Variants in CSNK1G2 observed in about 807,000 individuals in gnomAD.
The protein encoded by CSNK1G2 is casein kinase 1 gamma 2.
Under a neutral mutation model 48.0 loss-of-function variants are expected in CSNK1G2, and 11 were observed. The observed-to-expected ratio is 0.23, with a 90% CI of 0.14 to 0.38. CSNK1G2 has a LOEUF of 0.38. Among genes scored for constraint, CSNK1G2 ranks in the 10% least tolerant of loss-of-function variants. CSNK1G2 has a pLI of 1.00. For synonymous variants in CSNK1G2, 337 were observed against 254.1 expected, an observed-to-expected ratio of 1.33 and a Z score of -3.10; for missense variants, 446 against 595.5, an observed-to-expected ratio of 0.75 and a Z score of 2.61.
rs920371297 is a variant in CSNK1G2, at chr19:1,980,717, T to C, written c.*514T>C. 6.2e-6 allele frequency: 1 copy of C among 162,394 alleles called. No homozygotes were observed. Among genetic ancestry groups the C allele is most frequent in the Non-Finnish European group, 1.3e-5 (1 of 74,300 alleles). The allele number at this position is 162,394 out of a possible 1,614,324, so 10.1% of individuals were successfully genotyped here. On this transcript the variant is annotated 3_prime_UTR_variant, in exon 12 of 12. Transcript: ENST00000255641. ...GCCCTCCTGGGAGGGGGACAGGCAT[T>C]GTTGCCAGGGGTGAGGCCGTGCCCC... is the stretch of plus-strand genomic sequence containing the variant.
rs1479291546 is a variant in CSNK1G2, at chr19:1,957,445, G to C, written c.-265-12063G>C. ...GAGCAGCCTGGGAGAGAAGGGGGCT[G>C]CCCCGAGCGGCTTGGGTGGCCGGGC... On this transcript the variant is annotated intron_variant, in intron 1 of 11. Transcript: ENST00000255641. This position sits in a 1 kb window ranked among gnomAD's most constrained non-coding sequence, Gnocchi z 5.4. 2.0e-5 allele frequency among the ~76,000 whole-genome samples: 3 copies of C among 152,350 alleles called. No individual in the cohort carries two copies. The highest frequency in any genetic ancestry group is 7.2e-5 in the African/African-American group (3 of 41,576).
At chr19:1,977,430 C>T (rs1053757914) in intron 2 of CSNK1G2, among the ~76,000 whole-genome samples, 2 of 152,296 alleles carry the variant, frequency 1.3e-5, no homozygotes, top group African/African-American at 4.8e-5. Flanking sequence ...GGGCTGGCCG[C>T]CTCCTTCCTC....
intron 1 of CSNK1G2, among the ~76,000 whole-genome samples, chr19:1,944,323 C>G (rs570987437): frequency 6.6e-6 from 1 of 152,198 alleles, no homozygotes; most frequent in East Asian, 1.9e-4. Context: ...CTCCCTAGGT[C>G]GGGAGGCTCC....
chr19:1,945,216 C>T (rs984722364), intron 1 of CSNK1G2, among the ~76,000 whole-genome samples: 21 of 152,238 alleles, frequency 1.4e-4, no homozygotes, highest in Admixed American at 5.2e-4. Flanking sequence ...GCAGGTGCAG[C>T]GTGAGCTGTG....
At chr19:1,961,278 A>T (rs2015190703) in intron 1 of CSNK1G2, among the ~76,000 whole-genome samples, 1 of 152,188 alleles carries the variant, frequency 6.6e-6, no homozygotes, top group Non-Finnish European at 1.5e-5. Context: ...CCATGGCCAG[A>T]ACCTGGCCGT....
At chr19:1,945,371 G>T (rs959927143) in intron 1 of CSNK1G2, among the ~76,000 whole-genome samples, 8 of 152,190 alleles carry the variant, frequency 5.3e-5, no homozygotes, top group Non-Finnish European at 7.4e-5. Flanking sequence ...CCCTTGCTCA[G>T]AGCCCCCAAC....
intron 1 of CSNK1G2, chr19:1,953,639 G>C (rs1452195378): frequency 2.5e-6 from 1 of 406,666 alleles, no homozygotes; most frequent in Non-Finnish European, 5.1e-6. Flanking sequence ...AGCTCTGCCC[G>C]TGGCCCTCAC....
intron 1 of CSNK1G2, among the ~76,000 whole-genome samples, chr19:1,942,000 G>A (rs1334473541): frequency 1.3e-5 from 2 of 151,762 alleles, no homozygotes; most frequent in Non-Finnish European, 2.9e-5. Flanking sequence ...CCCTCCCCAC[G>A]CAGCTGTGTC....
At chr19:1,962,606 T>C (rs2015234181) in intron 1 of CSNK1G2, among the ~76,000 whole-genome samples, 1 of 151,942 alleles carries the variant, frequency 6.6e-6, no homozygotes, top group Non-Finnish European at 1.5e-5. Flanking sequence ...CAAGTTACAG[T>C]GAGCTGAGAT....
chr19:1,979,107 G>T lies in CSNK1G2; in HGVS notation c.682+14G>T, dbSNP rs999413228. ...ACCTGGGCAAGGGTGAGCTGCGCGCGCGCGGCGGGGGGCGGGCGCCCGGAC... is the reference window on the plus strand; with the variant it reads ...ACCTGGGCAAGGGTGAGCTGCGCGCTCGCGGCGGGGGGCGGGCGCCCGGAC... On this transcript the variant is annotated intron_variant, in intron 6 of 11. Transcript: ENST00000255641. The T allele has an allele frequency of 6.3e-7, 1 of 1,588,242 alleles. No homozygotes were observed. Among genetic ancestry groups the T allele is most frequent in the South Asian group, 1.1e-5 (1 of 90,238 alleles).
At chr19:1,967,687 C>T (rs1242964050) in intron 1 of CSNK1G2, among the ~76,000 whole-genome samples, 1 of 126,932 alleles carries the variant, frequency 7.9e-6, no homozygotes, top group East Asian at 2.5e-4. Context: ...TCCCTCCTCC[C>T]CAGGCTGCCC....
intron 9 of CSNK1G2, 38 bp from the exon 10 acceptor site, chr19:1,979,714 G>T: frequency 6.2e-7 from 1 of 1,602,846 alleles, no homozygotes; most frequent in South Asian, 1.1e-5. Context: ...GGGAACCGGC[G>T]CTGCAGCCCA....
At chr19:1,950,309 G>T (rs1034165585) in intron 1 of CSNK1G2, among the ~76,000 whole-genome samples, 10,771 of 138,266 alleles carry the variant, frequency 0.078, 564 homozygotes, top group East Asian at 0.14. Context: ...CCAGCTAATT[G>T]TTTGTATTTT....
rs1405581416 is a variant in CSNK1G2, at chr19:1,957,604, C to T, written c.-265-11904C>T. ...TGCAGGTCCCCCATGTCCCCTCGCC[C>T]GGGGCGCGCTCCACAGGCTAGGCCA... On this transcript the variant is annotated intron_variant, in intron 1 of 11. Transcript: ENST00000255641. The surrounding 1 kb of genome is among the most constrained non-coding windows in gnomAD (Gnocchi z 5.4). 2.0e-5 allele frequency among the ~76,000 whole-genome samples: 3 copies of T among 152,192 alleles called. No homozygotes were observed. The highest frequency in any genetic ancestry group is 1.9e-4 in the East Asian group (1 of 5,190).
At position 1,980,193 on chromosome 19, in the gene CSNK1G2, G is replaced by A. The variant is rs143259235; in HGVS notation, c.1238G>A (p.Arg413Gln). ...FKRRKRKSLQ[R>Q]HK ...AGGAGAAAGAGAAAATCGCTGCAGC[G>A]ACACAAGTGACCCTGGGCGCGTGCA... Residue 413 changes from arginine (R) to glutamine (Q), a missense_variant, in exon 12 of 12, where the codon CGA becomes CAA. Physicochemically the swap from Arg to Gln is conservative, Grantham distance 43. Transcript: ENST00000255641. 1.2e-5 allele frequency: 20 copies of A among 1,612,896 alleles called. No individual in the cohort carries two copies. In the South Asian group the frequency reaches 1.5e-4, roughly 12 times the overall value.
chr19:1,967,140 G>A (rs1393450294), intron 1 of CSNK1G2, among the ~76,000 whole-genome samples: 3 of 152,212 alleles, frequency 2.0e-5, no homozygotes, highest in South Asian at 4.1e-4. Flanking sequence ...CAGAACATTC[G>A]AGCGGCTGTT....
At position 1,970,034 on chromosome 19, in the gene CSNK1G2, T is replaced by G. The variant is rs1019506199; in HGVS notation, c.187+75T>G. On this transcript the variant is annotated intron_variant, in intron 2 of 11. Coordinates refer to ENST00000255641, the MANE Select transcript of CSNK1G2 (RefSeq NM_001319.7). ...CGCCCCGAGTCACCGGAGCCTCTGG[T>G]GGGGCCGCCCGGGGTCACTGGAGCC... is the stretch of plus-strand genomic sequence containing the variant. The G allele has an allele frequency of 2.5e-6, 3 of 1,220,716 alleles. No homozygotes were observed. The African/African-American group carries it at 4.6e-5, about 19-fold the overall frequency. 75.6% of individuals were successfully genotyped at this position (1,220,716 alleles called of 1,614,324 possible).
chr19:1,953,068 CG>C, intron 1 of CSNK1G2: 1 of 397,716 alleles, frequency 2.5e-6, no homozygotes. Context: ...TTTCCACGGC[CG>C]TTCATGGTTA....
chr19:1,943,152 G>A (rs1599273876), intron 1 of CSNK1G2, among the ~76,000 whole-genome samples: 1 of 152,204 alleles, frequency 6.6e-6, no homozygotes, highest in Non-Finnish European at 1.5e-5. Flanking sequence ...CAAATGGGGT[G>A]AGATGTTGGA....
Sources: gnomAD v4.1 joint callset for allele counts (sites outside exome capture counted in the v4.1 genomes callset) on GRCh38, gnomAD v4.1.1 for gene constraint, Gnocchi (gnomAD v3.1) non-coding constraint, MANE v1.5 for transcripts, NCBI Gene and HGNC (gene_info 2026-07-23, HGNC 2026-07-21) for gene names.